Variants in KCTD1 observed in about 807,000 individuals in gnomAD.
KCTD1 encodes the protein potassium channel tetramerization domain containing 1.
In KCTD1, 24 loss-of-function variants were observed where a neutral mutation model predicts 66.0. The ratio of observed to expected loss-of-function variants is 0.36; its 90% confidence interval spans 0.26 to 0.51. The LOEUF (loss-of-function observed/expected upper bound fraction) is 0.51, where lower values mean the gene tolerates loss of function less well. Among genes scored for constraint, KCTD1 ranks in the 20% least tolerant of loss-of-function variants. The pLI is 0.95. For synonymous variants in KCTD1, 511 were observed against 517.2 expected (o/e 0.99, Z 0.16); for missense variants, 943 against 1,205.2 (o/e 0.78, Z 3.22).
At position 26,459,929 on chromosome 18, in the gene KCTD1, G is replaced by GA. The variant is rs754214648; in HGVS notation, c.2134-5dup. 4,158 of 1,372,452 alleles carry GA rather than the reference G, an allele frequency of 3.0e-3. 1 individual carries two copies. Among genetic ancestry groups the GA allele is most frequent in the Admixed American group, 3.5e-3 (150 of 42,870 alleles). 85.0% of individuals were successfully genotyped at this position (1,372,452 alleles called of 1,614,324 possible). On this transcript the variant is annotated splice_region_variant and splice_polypyrimidine_tract_variant and intron_variant, in intron 3 of 4. Transcript: ENST00000580059. ...CTTCATATAACAAAGTGTAGTCCTG[G>GA]AAAAAAAAAAGGTATTTCACAGTGC... is the stretch of plus-strand genomic sequence containing the variant.
chr18:26,626,166 C>CCA (rs377518290), intron 1 of KCTD1, among the ~76,000 whole-genome samples: 9 of 138,696 alleles, frequency 6.5e-5, no homozygotes, highest in South Asian at 2.3e-4. Flanking sequence ...AAAAAAAAAA[C>CCA]AAAAAAAAAA....
chr18:26,535,119 GT>G (rs1208487152), intron 1 of KCTD1, among the ~76,000 whole-genome samples: 37 of 131,980 alleles, frequency 2.8e-4, no homozygotes, highest in Middle Eastern at 4.0e-3. Context: ...GGGGGTGGGG[GT>G]GGAGCTGCCA....
Position 26,605,674 on chromosome 18 carries a change from C to T in KCTD1, c.-16+23473G>A, listed in dbSNP as rs187961639. ...CTTGAACTTTTTGCTCAAGCCACACCTAAATCCTGTCCCCACCCACCCCCC... is the reference window on the plus strand; with the variant it reads ...CTTGAACTTTTTGCTCAAGCCACACTTAAATCCTGTCCCCACCCACCCCCC... On this transcript the variant is annotated intron_variant, in intron 1 of 4. Transcript: ENST00000317932. Among the ~76,000 whole-genome samples the T allele has an allele frequency of 1.1e-3, 174 of 152,032 alleles. 1 individual carries two copies. Among genetic ancestry groups the T allele is most frequent in the Non-Finnish European group, 2.1e-3 (143 of 67,988 alleles).
intron 1 of KCTD1, among the ~76,000 whole-genome samples, chr18:26,652,661 A>G (rs1260648360): frequency 6.6e-6 from 1 of 152,210 alleles, no homozygotes; most frequent in Admixed American, 6.5e-5. Flanking sequence ...ATTTTGGATA[A>G]CAGGATAAAA....
At chr18:26,605,699 CT>C (rs961053943) in intron 1 of KCTD1, among the ~76,000 whole-genome samples, 3 of 146,758 alleles carry the variant, frequency 2.0e-5, no homozygotes, top group East Asian at 2.0e-4. Context: ...ACCCACCCCC[CT>C]AAATACACCA....
intron 1 of KCTD1, among the ~76,000 whole-genome samples, chr18:26,536,892 A>T (rs1984733959): frequency 6.6e-6 from 1 of 151,820 alleles, no homozygotes; most frequent in South Asian, 2.1e-4. Context: ...ATGACATGGG[A>T]TTCTATGACT....
intron 3 of KCTD1, 34 bp from the exon 4 acceptor site, chr18:26,459,959 T>A: frequency 6.7e-7 from 1 of 1,482,194 alleles, no homozygotes; most frequent in African/African-American, 1.4e-5. Context: ...CAGTGCAAAC[T>A]GCAAACATAA....
At chr18:26,546,471 C>A (rs1366735678) in intron 1 of KCTD1, among the ~76,000 whole-genome samples, 1 of 152,134 alleles carries the variant, frequency 6.6e-6, no homozygotes, top group African/African-American at 2.4e-5. Context: ...TTTTGTTCGG[C>A]GAACTTTGAA....
At chr18:26,589,616 T>C (rs1050404266) in intron 1 of KCTD1, among the ~76,000 whole-genome samples, 2 of 152,208 alleles carry the variant, frequency 1.3e-5, no homozygotes, top group Non-Finnish European at 2.9e-5. Context: ...TTACTATCAA[T>C]GGCCTAGCCG....
intron 1 of KCTD1, among the ~76,000 whole-genome samples, chr18:26,534,691 C>T (rs1187352709): frequency 1.3e-5 from 2 of 151,768 alleles, no homozygotes; most frequent in African/African-American, 4.8e-5. Flanking sequence ...TTGTATTATC[C>T]CTATTAAGAA....
intron 1 of KCTD1, among the ~76,000 whole-genome samples, chr18:26,613,672 G>A: frequency 6.6e-6 from 1 of 152,216 alleles, no homozygotes; most frequent in Non-Finnish European, 1.5e-5. Context: ...AAATTGTAAA[G>A]CTGTAGACTA....
At chr18:26,537,639 C>T (rs1984770410) in intron 1 of KCTD1, among the ~76,000 whole-genome samples, 1 of 152,172 alleles carries the variant, frequency 6.6e-6, no homozygotes, top group Non-Finnish European at 1.5e-5. Flanking sequence ...AATTGTGGTG[C>T]ATTTTTGCAT....
intron 1 of KCTD1, among the ~76,000 whole-genome samples, chr18:26,601,206 T>C (rs1986887227): frequency 6.6e-6 from 1 of 151,914 alleles, no homozygotes; most frequent in Non-Finnish European, 1.5e-5. Context: ...AGAGACCCCT[T>C]TGTTCTTGTT....
At chr18:26,461,509 A>T (rs1260167887) in intron 3 of KCTD1, among the ~76,000 whole-genome samples, 1 of 152,202 alleles carries the variant, frequency 6.6e-6, no homozygotes, top group Non-Finnish European at 1.5e-5. Flanking sequence ...TAAGGAGCTG[A>T]AAACTAGGCT....
At chr18:26,610,336 G>A (rs928859280) in intron 1 of KCTD1, among the ~76,000 whole-genome samples, 5 of 152,128 alleles carry the variant, frequency 3.3e-5, no homozygotes, top group African/African-American at 1.2e-4. Flanking sequence ...ACTTTGGGAG[G>A]CCAAGGCAGG....
chr18:26,581,222 A>C (rs1986345873), intron 1 of KCTD1: 1 of 152,232 alleles, frequency 6.6e-6, no homozygotes, highest in African/African-American at 2.4e-5. Context: ...TATCAGCTCC[A>C]TAAGTGCAGA....
At chr18:26,467,879 G>A (rs529507296) in intron 3 of KCTD1, among the ~76,000 whole-genome samples, 2 of 152,282 alleles carry the variant, frequency 1.3e-5, no homozygotes, top group South Asian at 2.1e-4. Context: ...CATATCCAGG[G>A]CTAGGTAAGT....
At chr18:26,578,057 CTTTTTT>C (rs11381611) in intron 1 of KCTD1, among the ~76,000 whole-genome samples, 1 of 117,048 alleles carries the variant, frequency 8.5e-6, no homozygotes, top group Non-Finnish European at 1.7e-5. Context: ...TCTTTTCTTT[CTTTTTT>C]TTTTTTTTTT....
At chr18:26,578,844 C>T (rs963104118) in intron 1 of KCTD1, among the ~76,000 whole-genome samples, 1 of 152,168 alleles carries the variant, frequency 6.6e-6, no homozygotes, top group South Asian at 2.1e-4. Context: ...TCCACACTTC[C>T]GTGGAGGTTA....
Sources: gnomAD v4.1 joint callset for allele counts (sites outside exome capture counted in the v4.1 genomes callset) on GRCh38, gnomAD v4.1.1 for gene constraint, MANE v1.5 for transcripts, NCBI Gene and HGNC (gene_info 2026-07-23, HGNC 2026-07-21) for gene names.